The following JAKMIP2 variants were observed in gnomAD, a reference collection of about 807,000 sequenced individuals.
JAKMIP2 encodes janus kinase and microtubule-interacting protein 2.
JAKMIP2 carries 25 observed loss-of-function variants against 115.0 expected under a neutral mutation model. The observed-to-expected ratio is 0.22, with a 90% CI of 0.16 to 0.30. The LOEUF (loss-of-function observed/expected upper bound fraction) is 0.30. Ranked by LOEUF, JAKMIP2 falls within the 10% of genes least tolerant of loss-of-function variation. JAKMIP2 has a pLI of 1.00. For synonymous variants in JAKMIP2, 334 were observed against 343.6 expected (o/e 0.97, Z 0.31); for missense variants, 642 against 957.6 (o/e 0.67, Z 4.35).
intron 1 of JAKMIP2, among the ~76,000 whole-genome samples, chr5:147,719,598 T>C (rs1753173879): frequency 6.6e-6 from 1 of 152,302 alleles, no homozygotes; most frequent in African/African-American, 2.4e-5. Flanking sequence ...TTTACCATTA[T>C]GTAATGGCTG....
intron 7 of JAKMIP2, among the ~76,000 whole-genome samples, chr5:147,643,249 G>A (rs1171172824): frequency 6.6e-6 from 1 of 151,888 alleles, no homozygotes; most frequent in Admixed American, 6.6e-5. Flanking sequence ...ATTTTAAAAA[G>A]GATGAATCAT....
At chr5:147,644,525 G>T (rs936476349) in intron 6 of JAKMIP2, among the ~76,000 whole-genome samples, 1 of 152,110 alleles carries the variant, frequency 6.6e-6, no homozygotes, top group East Asian at 1.9e-4. Flanking sequence ...GTGTGCCTGG[G>T]GTATAGGTCT....
chr5:147,606,698 G>GT (rs1267791402), intron 20 of JAKMIP2, among the ~76,000 whole-genome samples: 8 of 152,134 alleles, frequency 5.3e-5, no homozygotes, highest in Admixed American at 2.0e-4. Context: ...ATTTAAAACA[G>GT]TTTTTTCTAA....
chr5:147,620,580 A>C, intron 18 of JAKMIP2, 86 bp downstream of exon 18: 1 of 893,834 alleles, frequency 1.1e-6, no homozygotes, highest in African/African-American at 1.7e-5. Flanking sequence ...ATTCAAGTAC[A>C]TAGCATGGAA....
chr5:147,643,556 T>C (rs919259735), intron 7 of JAKMIP2, among the ~76,000 whole-genome samples: 3 of 152,228 alleles, frequency 2.0e-5, no homozygotes, highest in Non-Finnish European at 2.9e-5. Context: ...GGTACTGAAG[T>C]AATGATCAGA....
At chr5:147,695,138 A>T (rs775249905) in intron 1 of JAKMIP2, among the ~76,000 whole-genome samples, 7 of 152,218 alleles carry the variant, frequency 4.6e-5, no homozygotes, top group Non-Finnish European at 7.3e-5. Context: ...AAATATTAAC[A>T]CCCAGGACTC....
chr5:147,631,287 A>C, intron 14 of JAKMIP2, 126 bp downstream of exon 14: 1 of 581,438 alleles, frequency 1.7e-6, no homozygotes, highest in Non-Finnish European at 3.0e-6. Context: ...TTCAATTCCT[A>C]CATAGTTTGT....
intron 1 of JAKMIP2, among the ~76,000 whole-genome samples, chr5:147,744,620 A>G (rs1180572114): frequency 6.6e-6 from 1 of 152,252 alleles, no homozygotes; most frequent in African/African-American, 2.4e-5. Flanking sequence ...ATTATATAAA[A>G]TTAATCATAG....
At chr5:147,633,560 A>G (rs964972548) in intron 12 of JAKMIP2, among the ~76,000 whole-genome samples, 1 of 152,184 alleles carries the variant, frequency 6.6e-6, no homozygotes, top group Admixed American at 6.5e-5. Flanking sequence ...TTCAGAAGTG[A>G]CACCTCTCCT....
At chr5:147,778,162 A>G (rs1013864526) in intron 1 of JAKMIP2, among the ~76,000 whole-genome samples, 1 of 152,132 alleles carries the variant, frequency 6.6e-6, no homozygotes, top group Non-Finnish European at 1.5e-5. Context: ...ATTTATCTAT[A>G]AAATAAGTGC....
chr5:147,671,403 C>A (rs1162520857), intron 2 of JAKMIP2, among the ~76,000 whole-genome samples: 6 of 152,214 alleles, frequency 3.9e-5, no homozygotes, highest in African/African-American at 1.2e-4. Context: ...TGGTAAGGGA[C>A]ACTGTCTGAA....
chr5:147,702,840 G>A (rs939931108), intron 1 of JAKMIP2, among the ~76,000 whole-genome samples: 1 of 151,968 alleles, frequency 6.6e-6, no homozygotes, highest in African/African-American at 2.4e-5. Context: ...TCCTGCTTAT[G>A]TCAATTTGAG....
intron 16 of JAKMIP2, among the ~76,000 whole-genome samples, chr5:147,627,538 G>C (rs1384551850): frequency 1.3e-5 from 2 of 152,102 alleles, no homozygotes; most frequent in African/African-American, 4.8e-5. Context: ...GCATTTGCTG[G>C]GGAGGGATCA....
intron 20 of JAKMIP2, 43 bp from the exon 21 acceptor site, chr5:147,601,854 G>T: frequency 1.1e-6 from 1 of 912,372 alleles, no homozygotes; most frequent in Non-Finnish European, 1.7e-6. Context: ...CTGAATTTCT[G>T]TAGTGCCATT....
chr5:147,736,731 C>A (rs1285775226), intron 1 of JAKMIP2, among the ~76,000 whole-genome samples: 1 of 151,896 alleles, frequency 6.6e-6, no homozygotes, highest in African/African-American at 2.4e-5. Flanking sequence ...TATTGAAACC[C>A]TATATTGTTT....
intron 1 of JAKMIP2, among the ~76,000 whole-genome samples, chr5:147,704,817 T>A (rs1424696784): frequency 6.6e-6 from 1 of 152,100 alleles, no homozygotes; most frequent in East Asian, 1.9e-4. Context: ...TATGGTGGAG[T>A]TAGGAAGAAG....
chr5:147,738,157 ATTTT>A (rs918823256), intron 1 of JAKMIP2, among the ~76,000 whole-genome samples: 1 of 151,362 alleles, frequency 6.6e-6, no homozygotes, highest in Non-Finnish European at 1.5e-5. Flanking sequence ...CAAAGAGGTC[ATTTT>A]TTTTTCCCAC....
At chr5:147,598,534 A>C (rs749442083) in intron 21 of JAKMIP2, among the ~76,000 whole-genome samples, 7 of 152,108 alleles carry the variant, frequency 4.6e-5, no homozygotes, top group Non-Finnish European at 8.8e-5. Context: ...TAATACATTG[A>C]TATGCCATTC....
chr5:147,776,345 T>G (rs891453911), intron 1 of JAKMIP2, among the ~76,000 whole-genome samples: 22 of 152,080 alleles, frequency 1.4e-4, no homozygotes, highest in African/African-American at 5.1e-4. Context: ...TCACGAGAGC[T>G]GATGGTTTTA....
Sources: gnomAD v4.1 joint callset for allele counts (sites outside exome capture counted in the v4.1 genomes callset) on GRCh38, gnomAD v4.1.1 for gene constraint, MANE v1.5 for transcripts, NCBI Gene and HGNC (gene_info 2026-07-23, HGNC 2026-07-21) for gene names.